Variants in RBM19 observed in about 807,000 individuals in gnomAD.
RBM19 encodes RNA binding motif protein 19, also known as probable RNA-binding protein 19.
In RBM19, 94 loss-of-function variants were observed where a neutral mutation model predicts 116.8. That is an observed-to-expected ratio of 0.80 (90% confidence interval 0.68 to 0.95). The LOEUF is 0.95. Among genes scored for constraint, RBM19 ranks in the 40% least tolerant of loss-of-function variants. The pLI is 0.00. For synonymous variants in RBM19, 475 were observed against 494.1 expected (o/e 0.96, Z 0.51); for missense variants, 1,161 against 1,220.7 (o/e 0.95, Z 0.73).
In RBM19 at chr12:113,942,217, T is replaced by C; in HGVS notation, c.1737+107A>G. On this transcript the variant is annotated intron_variant, in intron 14 of 23. Transcript: ENST00000261741. ...TTAGAGACAATTTAGAAATCAGTAA[T>C]AGTCCTTAGAAGGCCAGATCCTTAA... 3 of 919,174 alleles carry C rather than the reference T, an allele frequency of 3.3e-6. No homozygotes were observed. The Admixed American group carries it at 8.0e-5, about 25-fold the overall frequency. The allele number at this position is 919,174 out of a possible 1,614,324, so 56.9% of individuals were successfully genotyped here.
Position 113,942,343 on chromosome 12 carries a change from C to T in RBM19, c.1718G>A (p.Ser573Asn). 1.2e-6 allele frequency: 2 copies of T among 1,607,090 alleles called. No individual in the cohort carries two copies. Among genetic ancestry groups the T allele is most frequent in the South Asian group, 1.1e-5 (1 of 91,046 alleles). The change falls in exon 14 of 24, where the codon AGC becomes AAC. Residue 573 changes from serine (S) to asparagine (N), a missense_variant. By Grantham distance (46) the Ser-to-Asn change is conservative (BLOSUM62 1). Transcript: ENST00000261741. The stretch of plus-strand genomic sequence containing the variant: ...ACCCACCTGGCTGAAGGAATCCAGG[C>T]TGACCCCGTTGTCTATGAGAAAACG... Reference protein sequence around the residue: ...VRRFLIDNGVSLDSFSQAAAE... With the variant: ...VRRFLIDNGVNLDSFSQAAAE...
At chr12:113,926,817 A>G (rs116202644) in intron 17 of RBM19, among the ~76,000 whole-genome samples, 117 of 152,306 alleles carry the variant, frequency 7.7e-4, no homozygotes, top group African/African-American at 2.7e-3. Flanking sequence ...ATGCCTCCAA[A>G]GCGTATGTGG....
At chr12:113,824,795 G>A (rs560710991) in intron 23 of RBM19, among the ~76,000 whole-genome samples, 2 of 151,936 alleles carry the variant, frequency 1.3e-5, no homozygotes, top group South Asian at 2.1e-4. Flanking sequence ...CATTGAACCC[G>A]TTTCTCATCA....
intron 23 of RBM19, among the ~76,000 whole-genome samples, chr12:113,831,425 G>A (rs1458924576): frequency 6.6e-6 from 1 of 152,142 alleles, no homozygotes; most frequent in Non-Finnish European, 1.5e-5. Flanking sequence ...TACAACCCTG[G>A]AGGGAAACCC....
chr12:113,886,824 C>T (rs1021946522), intron 21 of RBM19, among the ~76,000 whole-genome samples: 1 of 152,156 alleles, frequency 6.6e-6, no homozygotes, highest in Non-Finnish European at 1.5e-5. Flanking sequence ...ACGAGTTTCT[C>T]AAACAGTAAA....
At chr12:113,879,145 G>C (rs1879904219) in intron 21 of RBM19, among the ~76,000 whole-genome samples, 2 of 152,116 alleles carry the variant, frequency 1.3e-5, no homozygotes, top group African/African-American at 4.8e-5. Context: ...CAATCCATGG[G>C]GAAGGAAAGT....
At chr12:113,934,302 C>T (rs1046230877) in intron 16 of RBM19, among the ~76,000 whole-genome samples, 8 of 152,200 alleles carry the variant, frequency 5.3e-5, no homozygotes, top group Non-Finnish European at 1.2e-4. Flanking sequence ...CCTCAGAGGG[C>T]GGGGCGGATA....
chr12:113,939,055 A>G (rs1407575476), intron 15 of RBM19, among the ~76,000 whole-genome samples: 1 of 152,220 alleles, frequency 6.6e-6, no homozygotes, highest in Admixed American at 6.5e-5. Context: ...TACAGAACTG[A>G]CTTTCATTCA....
rs148480941 is a variant in RBM19, at chr12:113,962,463, C to G, written c.37-49G>C. The G allele has an allele frequency of 3.3e-4, 519 of 1,553,892 alleles. 2 individuals are homozygous for G. In the African/African-American group the frequency reaches 6.6e-3, roughly 20 times the overall value. ...GAGACGAACTGGAAAGTCCCCAGAG[C>G]AAGGGGACAAAATGGGCTGGAAACC... On this transcript the variant is annotated intron_variant, in intron 1 of 23. Coordinates refer to ENST00000261741, the MANE Select transcript of RBM19 (RefSeq NM_016196.4).
At chr12:113,872,920 G>A (rs1593515429) in intron 21 of RBM19, among the ~76,000 whole-genome samples, 2 of 117,460 alleles carry the variant, frequency 1.7e-5, no homozygotes, top group African/African-American at 3.1e-5. Flanking sequence ...CCGTCCGGGA[G>A]GGAGGTGGGG....
intron 21 of RBM19, among the ~76,000 whole-genome samples, chr12:113,911,781 A>ACTG (rs1215966745): frequency 1.3e-5 from 2 of 152,182 alleles, no homozygotes; most frequent in African/African-American, 4.8e-5. Flanking sequence ...AACATGAGGC[A>ACTG]CTGCAGCGCA....
chr12:113,855,003 G>A (rs185257338), intron 22 of RBM19, among the ~76,000 whole-genome samples: 55 of 152,358 alleles, frequency 3.6e-4, no homozygotes, highest in Admixed American at 3.2e-3. Context: ...AGCCTTTGAG[G>A]AGCCTCTGGC....
chr12:113,834,815 A>C (rs150559956), intron 23 of RBM19, among the ~76,000 whole-genome samples: 179 of 152,294 alleles, frequency 1.2e-3, no homozygotes, highest in African/African-American at 4.0e-3. Context: ...TCAGACCGGG[A>C]ACTAACTGCT....
At chr12:113,872,572 G>T (rs1334301841) in intron 21 of RBM19, among the ~76,000 whole-genome samples, 1 of 119,504 alleles carries the variant, frequency 8.4e-6, no homozygotes, top group Non-Finnish European at 1.9e-5. Flanking sequence ...AGGGAGGTGG[G>T]GGGGGGTCAG....
At chr12:113,823,898 A>G (rs1281235954) in intron 23 of RBM19, among the ~76,000 whole-genome samples, 1 of 152,192 alleles carries the variant, frequency 6.6e-6, no homozygotes, top group Non-Finnish European at 1.5e-5. Flanking sequence ...CTGGCATACA[A>G]CAGGTGCTCG....
At chr12:113,830,255 C>T (rs2135690291) in intron 23 of RBM19, among the ~76,000 whole-genome samples, 1 of 152,304 alleles carries the variant, frequency 6.6e-6, no homozygotes, top group African/African-American at 2.4e-5. Context: ...GTTCTCAATC[C>T]AGCTGTCTGG....
intron 22 of RBM19, among the ~76,000 whole-genome samples, chr12:113,847,390 C>A (rs946660617): frequency 2.5e-4 from 38 of 152,204 alleles, no homozygotes; most frequent in Admixed American, 1.7e-3. Context: ...GCCAGCAGAG[C>A]CTCTGCATTT....
chr12:113,880,900 A>G (rs1593526909), intron 21 of RBM19, among the ~76,000 whole-genome samples: 1 of 152,300 alleles, frequency 6.6e-6, no homozygotes, highest in East Asian at 1.9e-4. Context: ...GAGGGCAAAC[A>G]TCAGGAACGT....
chr12:113,946,076 A>T, intron 12 of RBM19, 152 bp from the exon 13 acceptor site: 1 of 802,234 alleles, frequency 1.2e-6, no homozygotes, highest in Non-Finnish European at 2.0e-6. Context: ...CAGGGCCTGA[A>T]GACAACAAGA....
Sources: allele counts gnomAD v4.1 joint callset (sites outside exome capture counted in the v4.1 genomes callset), GRCh38; gene constraint gnomAD v4.1.1; transcripts MANE v1.5; gene names NCBI Gene and HGNC (gene_info 2026-07-23, HGNC 2026-07-21).